The following SLC37A1 variants were observed in gnomAD, a reference collection of about 807,000 sequenced individuals.
SLC37A1 encodes the protein glucose-6-phosphate exchanger SLC37A1.
SLC37A1 carries 49 observed loss-of-function variants against 75.3 expected under a neutral mutation model. The observed-to-expected ratio is 0.65, with a 90% CI of 0.52 to 0.83. The LOEUF is 0.83. SLC37A1 is among the 40% of genes least tolerant of loss of function. The probability of loss-of-function intolerance (pLI) is 0.00; values close to 1 mark genes in which losing one functional copy is unlikely to be tolerated. For missense variants in SLC37A1, 566 were observed against 695.0 expected, an observed-to-expected ratio of 0.81 and a Z score of 2.09; for synonymous variants, 268 against 292.1, an observed-to-expected ratio of 0.92 and a Z score of 0.84.
intron 2 of SLC37A1, among the ~76,000 whole-genome samples, chr21:42,522,958 C>T (rs996870979): frequency 2.0e-5 from 3 of 152,234 alleles, no homozygotes; most frequent in Non-Finnish European, 2.9e-5. Context: ...GAACGCATCA[C>T]CAGGGCCTGA....
chr21:42,532,129 C>G (rs142713953), intron 3 of SLC37A1, among the ~76,000 whole-genome samples: 1 of 152,314 alleles, frequency 6.6e-6, no homozygotes, highest in East Asian at 1.9e-4. Context: ...GCACCAAGAT[C>G]CCAGCTTAGG....
At chr21:42,512,857 A>T (rs960883425), upstream of SLC37A1, among the ~76,000 whole-genome samples, 1 of 152,232 alleles carries the variant, frequency 6.6e-6, no homozygotes, top group African/African-American at 2.4e-5. Context: ...GCAGGGCCCC[A>T]GGGGGAAACT....
intron 1 of SLC37A1, among the ~76,000 whole-genome samples, chr21:42,515,989 C>T (rs2054515060): frequency 6.6e-6 from 1 of 152,146 alleles, no homozygotes; most frequent in Admixed American, 6.5e-5. Context: ...GAACTCCTGG[C>T]CTCAAGTGAT....
At chr21:42,534,675 T>C in intron 3 of SLC37A1, 23 bp from the exon 4 acceptor site, 2 of 1,602,168 alleles carry the variant, frequency 1.2e-6, no homozygotes, top group Non-Finnish European at 1.7e-6. Flanking sequence ...TCTCCCTGCT[T>C]CTGCCCTCCC....
In SLC37A1 at chr21:42,518,452, TA is replaced by T. The variant is rs774855208; in HGVS notation, c.1del. 268 of 1,614,104 alleles carry T rather than the reference TA, an allele frequency of 1.7e-4. 6 individuals carry two copies. In the South Asian group the frequency reaches 2.9e-3, roughly 17 times the overall value. ...CGAGGCTCAGTGGTCAGTGGCGACG[TA>T]AATGGCTCGACTCCCCGCTGGCATT... is the stretch of plus-strand genomic sequence containing the variant. On this transcript the variant is annotated 5_prime_UTR_variant, in exon 2 of 20. Coordinates refer to ENST00000352133, the MANE Select transcript of SLC37A1 (RefSeq NM_001320537.2).
At chr21:42,539,923 G>A (rs1221823764) in intron 6 of SLC37A1, among the ~76,000 whole-genome samples, 3 of 152,226 alleles carry the variant, frequency 2.0e-5, no homozygotes, top group African/African-American at 7.2e-5. Context: ...GCCCTTGGGA[G>A]TCACTCTGTC....
chr21:42,566,455 C>T (rs2055981099), intron 15 of SLC37A1, among the ~76,000 whole-genome samples: 1 of 152,258 alleles, frequency 6.6e-6, no homozygotes, highest in Non-Finnish European at 1.5e-5. Context: ...TCAAACTATG[C>T]CTCCAGCACT....
chr21:42,552,077 C>A lies in SLC37A1; in HGVS notation c.769-1985C>A, dbSNP rs574804861. On this transcript the variant is annotated intron_variant, in intron 9 of 19. Transcript: ENST00000352133. The surrounding 1 kb of genome is among the most constrained non-coding windows in gnomAD (Gnocchi z 4.2). Reference sequence around the variant, plus strand: ...TTAATATGAAAGAGAGTATTCAATTCTTTACCATTTGCCTTGAGTCTGAGG... The same window carrying A: ...TTAATATGAAAGAGAGTATTCAATTATTTACCATTTGCCTTGAGTCTGAGG... 2.0e-5 allele frequency among the ~76,000 whole-genome samples: 3 copies of A among 152,196 alleles called. No homozygotes were observed. Among genetic ancestry groups the A allele is most frequent in the African/African-American group, 7.2e-5 (3 of 41,510 alleles).
In SLC37A1 at chr21:42,552,546, T is replaced by G. The variant is rs995801626; in HGVS notation, c.769-1516T>G. 6.6e-6 allele frequency among the ~76,000 whole-genome samples: 1 copy of G among 151,940 alleles called. No individual in the cohort carries two copies. Among genetic ancestry groups the G allele is most frequent in the African/African-American group, 2.4e-5 (1 of 41,352 alleles). On this transcript the variant is annotated intron_variant, in intron 9 of 19. Transcript: ENST00000352133. This position sits in a 1 kb window ranked among gnomAD's most constrained non-coding sequence, Gnocchi z 4.2. Reference sequence around the variant, plus strand: ...AATTAGAACAGTGCCAGGCACAGAGTTGATGCTTAATAATTATTTGTTGAA... The same window carrying G: ...AATTAGAACAGTGCCAGGCACAGAGGTGATGCTTAATAATTATTTGTTGAA...
intron 2 of SLC37A1, among the ~76,000 whole-genome samples, chr21:42,508,036 T>C (rs2054399954): frequency 6.6e-6 from 1 of 151,826 alleles, no homozygotes; most frequent in Admixed American, 6.6e-5. Flanking sequence ...AATCATCAAA[T>C]GCTGGCCCAG....
chr21:42,501,700 CAA>C (rs2054343501), intron 1 of SLC37A1, among the ~76,000 whole-genome samples: 1 of 152,188 alleles, frequency 6.6e-6, no homozygotes, highest in Non-Finnish European at 1.5e-5. Context: ...CGACAAGAGA[CAA>C]GAGTGAAACT....
intron 10 of SLC37A1, among the ~76,000 whole-genome samples, chr21:42,557,773 A>G (rs927761158): frequency 7.7e-6 from 1 of 129,614 alleles, no homozygotes; most frequent in Admixed American, 8.8e-5. Flanking sequence ...TGTGGAATAC[A>G]TTACCATTTT....
At chr21:42,522,689 A>G (rs1360539670) in intron 2 of SLC37A1, among the ~76,000 whole-genome samples, 3 of 152,238 alleles carry the variant, frequency 2.0e-5, no homozygotes, top group Non-Finnish European at 4.4e-5. Flanking sequence ...TTCAGTCTTT[A>G]GGAACATTCC....
chr21:42,549,846 C>A (rs1025557425), intron 9 of SLC37A1, among the ~76,000 whole-genome samples: 3 of 152,092 alleles, frequency 2.0e-5, no homozygotes, highest in Non-Finnish European at 4.4e-5. Context: ...TAATTTTTTC[C>A]AATATTTTAA....
intron 12 of SLC37A1, among the ~76,000 whole-genome samples, chr21:42,563,564 T>TG (rs558737637): frequency 1.4e-3 from 213 of 152,250 alleles, no homozygotes; most frequent in Admixed American, 7.6e-3. Flanking sequence ...GAGGGGCCCC[T>TG]GGGGGGGTCT....
rs2054481156 is a variant in SLC37A1, at chr21:42,514,321, A to T, written c.-575A>T. ...GCAGCCGCTCCACGGAGTCCCCGGC[A>T]GGGGCGAGCTTAGCTGTCCAGCCGG... On this transcript the variant is annotated 5_prime_UTR_variant, in exon 1 of 20. Coordinates refer to ENST00000352133, the MANE Select transcript of SLC37A1 (RefSeq NM_001320537.2). The surrounding 1 kb of genome is among the most constrained non-coding windows in gnomAD (Gnocchi z 4.8). The T allele has an allele frequency of 6.6e-6, 1 of 152,098 alleles. No individual in the cohort carries two copies. Among genetic ancestry groups the T allele is most frequent in the African/African-American group, 2.4e-5 (1 of 41,400 alleles). The allele number at this position is 152,098 out of a possible 1,614,324, so 9.4% of individuals were successfully genotyped here. A position where few individuals can be genotyped will look rare whatever the true frequency, so the allele number is the denominator to read the frequency against.
Position 42,565,885 on chromosome 21 carries a change from G to A in SLC37A1, c.1270+10G>A, listed in dbSNP as rs1162458123. 7.4e-6 allele frequency: 12 copies of A among 1,612,934 alleles called. No individual in the cohort carries two copies. The Admixed American group carries it at 1.8e-4, about 25-fold the overall frequency. ...CTTGAGGCCACCATCGGTGAGTATG[G>A]AGGCCTTCCTGCTTTTCTTCCACAC... On this transcript the variant is annotated intron_variant, in intron 15 of 19. Coordinates refer to ENST00000352133, the MANE Select transcript of SLC37A1 (RefSeq NM_001320537.2).
intron 10 of SLC37A1, among the ~76,000 whole-genome samples, chr21:42,558,600 C>A (rs1351121992): frequency 6.6e-6 from 1 of 152,152 alleles, no homozygotes; most frequent in Admixed American, 6.5e-5. Context: ...AATCTCCCAA[C>A]CTTTTTTTTA....
chr21:42,555,283 C>T (rs559100976), intron 10 of SLC37A1, among the ~76,000 whole-genome samples: 4 of 152,088 alleles, frequency 2.6e-5, no homozygotes, highest in Non-Finnish European at 5.9e-5. Context: ...CCACCGCACC[C>T]GGCCTCTAAA....
Sources: gnomAD v4.1 joint callset for allele counts (sites outside exome capture counted in the v4.1 genomes callset) on GRCh38, gnomAD v4.1.1 for gene constraint, Gnocchi (gnomAD v3.1) non-coding constraint, MANE v1.5 for transcripts, NCBI Gene and HGNC (gene_info 2026-07-23, HGNC 2026-07-21) for gene names.